TRAPPC9: variants seen among roughly 807,000 people sequenced by gnomAD.
The protein encoded by TRAPPC9 is IKK2 binding protein.
TRAPPC9 carries 83 observed loss-of-function variants against 124.0 expected under a neutral mutation model. That is an observed-to-expected ratio of 0.67 (90% CI 0.56 to 0.80). The LOEUF (loss-of-function observed/expected upper bound fraction) is 0.80, where lower values mean the gene tolerates loss of function less well. TRAPPC9 is among the 30% of genes least tolerant of loss of function. The pLI, the probability that TRAPPC9 is intolerant of heterozygous loss-of-function variation, is 0.00. For synonymous variants in TRAPPC9, 638 were observed against 617.5 expected (o/e 1.03, Z -0.49); for missense variants, 1,302 against 1,508.3 (o/e 0.86, Z 2.27).
At chr8:140,435,300 T>TTAG in intron 3 of TRAPPC9, 60 bp from the exon 4 acceptor site, 1 of 1,542,116 alleles carries the variant, frequency 6.5e-7, no homozygotes, top group Non-Finnish European at 8.9e-7. Context: ...ACCAGCATCA[T>TTAG]TAGTCAAGTC....
intron 17 of TRAPPC9, among the ~76,000 whole-genome samples, chr8:140,180,619 T>C (rs2131005304): frequency 6.6e-6 from 1 of 152,152 alleles, no homozygotes; most frequent in Non-Finnish European, 1.5e-5. Context: ...TCAGCTTTTG[T>C]CTTTATTTGT....
At chr8:139,957,579 C>T (rs961883218) in intron 19 of TRAPPC9, among the ~76,000 whole-genome samples, 1 of 152,132 alleles carries the variant, frequency 6.6e-6, no homozygotes, top group Non-Finnish European at 1.5e-5. Flanking sequence ...CACGTGTGCT[C>T]AGTACACAGA....
intron 21 of TRAPPC9, among the ~76,000 whole-genome samples, chr8:139,757,779 C>T (rs998508031): frequency 7.9e-5 from 12 of 152,094 alleles, no homozygotes; most frequent in African/African-American, 2.9e-4. Context: ...TTCTACATCA[C>T]CTGCACTGCC....
At chr8:140,035,598 G>A (rs543105258) in intron 17 of TRAPPC9, among the ~76,000 whole-genome samples, 5 of 152,278 alleles carry the variant, frequency 3.3e-5, no homozygotes, top group Admixed American at 6.5e-5. Context: ...CATCCTATCC[G>A]ACAGGAAGGC....
chr8:140,219,165 C>A (rs574718932), intron 17 of TRAPPC9, among the ~76,000 whole-genome samples: 1 of 152,192 alleles, frequency 6.6e-6, no homozygotes, highest in African/African-American at 2.4e-5. Flanking sequence ...TTTCTATAAA[C>A]TTTATACAAT....
chr8:140,028,183 G>A (rs1019810230), intron 17 of TRAPPC9, among the ~76,000 whole-genome samples: 1 of 152,026 alleles, frequency 6.6e-6, no homozygotes, highest in African/African-American at 2.4e-5. Context: ...AAGAACATAA[G>A]GGGAGCTGGG....
intron 21 of TRAPPC9, among the ~76,000 whole-genome samples, chr8:139,738,111 G>A (rs961712039): frequency 6.6e-6 from 1 of 152,172 alleles, no homozygotes; most frequent in Non-Finnish European, 1.5e-5. Flanking sequence ...GGGCCTCTGG[G>A]GATGTTGGGT....
Position 140,140,425 on chromosome 8 carries a change from G to A in TRAPPC9, c.2556+81034C>T, listed in dbSNP as rs1012863102. Among the ~76,000 whole-genome samples, 12 of 152,052 alleles carry A rather than the reference G, an allele frequency of 7.9e-5. No homozygotes were observed. The East Asian group carries it at 1.9e-3, about 24-fold the overall frequency. ...TTGTGTGGTGGTGGGTTTTTCGGTG[G>A]GTTTTTTTGTTTTTGTTTTGGCCTG... On this transcript the variant is annotated intron_variant, in intron 17 of 22. Coordinates refer to ENST00000438773, the MANE Select transcript of TRAPPC9 (RefSeq NM_001160372.4).
chr8:140,026,291 A>G (rs1286811058), intron 17 of TRAPPC9, among the ~76,000 whole-genome samples: 1 of 152,198 alleles, frequency 6.6e-6, no homozygotes, highest in Non-Finnish European at 1.5e-5. Context: ...TCGTGTGAAC[A>G]GTGCTGCTAT....
Position 140,283,987 on chromosome 8 carries a change from G to T in TRAPPC9, c.2016C>A (p.Asp672Glu). Residue 672 changes from aspartate to glutamate, a missense_variant, in exon 14 of 23, where the codon GAC becomes GAA. By Grantham distance (45) the Asp-to-Glu change is conservative. Coordinates refer to ENST00000438773, the MANE Select transcript of TRAPPC9 (RefSeq NM_001160372.4). ...TTCCCGGCAGGTTATCCAGCAAACAGTCACTGAACACACCGAAGACCGTGG... is the reference window on the plus strand; with the variant it reads ...TTCCCGGCAGGTTATCCAGCAAACATTCACTGAACACACCGAAGACCGTGG... ...YHTTVFGVFSDCLLDNLPGIK... is the reference protein window; with the variant it reads ...YHTTVFGVFSECLLDNLPGIK... 1 of 1,614,166 alleles carries T rather than the reference G, an allele frequency of 6.2e-7. No individual in the cohort carries two copies. The highest frequency in any genetic ancestry group is 8.5e-7 in the Non-Finnish European group (1 of 1,180,018).
At chr8:140,386,721 C>G (rs1234874550) in intron 7 of TRAPPC9, among the ~76,000 whole-genome samples, 1 of 152,096 alleles carries the variant, frequency 6.6e-6, no homozygotes, top group Non-Finnish European at 1.5e-5. Flanking sequence ...GAATCAATAT[C>G]GTGAAAATGG....
intron 21 of TRAPPC9, among the ~76,000 whole-genome samples, chr8:139,844,332 G>A (rs572184894): frequency 6.6e-6 from 1 of 152,354 alleles, no homozygotes; most frequent in African/African-American, 2.4e-5. Context: ...CCTGGCAGGA[G>A]AAGGGGGTCA....
chr8:139,784,608 C>CATATAT (rs34583867), intron 21 of TRAPPC9, among the ~76,000 whole-genome samples: 5,623 of 87,888 alleles, frequency 0.064, 255 homozygotes, highest in Non-Finnish European at 0.092. Context: ...AAAAGACTGA[C>CATATAT]ATATATATAT....
chr8:139,737,347 C>T (rs539520080), intron 21 of TRAPPC9, among the ~76,000 whole-genome samples: 5 of 152,174 alleles, frequency 3.3e-5, no homozygotes, highest in East Asian at 3.9e-4. Context: ...CGCAGCAGCC[C>T]GGCCGGCTGG....
intron 17 of TRAPPC9, among the ~76,000 whole-genome samples, chr8:140,140,008 T>C (rs538340614): frequency 6.6e-6 from 1 of 152,356 alleles, no homozygotes; most frequent in East Asian, 1.9e-4. Flanking sequence ...ATGTTCATTA[T>C]GAATAACAAC....
chr8:139,902,358 A>G (rs544202762), intron 20 of TRAPPC9, among the ~76,000 whole-genome samples: 1 of 152,356 alleles, frequency 6.6e-6, no homozygotes, highest in South Asian at 2.1e-4. Context: ...ACCGAAGGCC[A>G]AACAGCCAGG....
chr8:139,777,673 C>T (rs1011583432), intron 21 of TRAPPC9, among the ~76,000 whole-genome samples: 14 of 152,152 alleles, frequency 9.2e-5, no homozygotes, highest in South Asian at 4.1e-4. Flanking sequence ...CCAGTCAAGA[C>T]GGAGTAACAA....
chr8:140,003,601 CAAAAAA>C (rs58826807), intron 18 of TRAPPC9, among the ~76,000 whole-genome samples: 1,017 of 91,394 alleles, frequency 0.011, 17 homozygotes, highest in African/African-American at 0.03. Context: ...GACCCTGTCA[CAAAAAA>C]AAAAAAAAAA....
chr8:140,093,267 G>A (rs1288500798), intron 17 of TRAPPC9, among the ~76,000 whole-genome samples: 1 of 152,202 alleles, frequency 6.6e-6, no homozygotes, highest in Non-Finnish European at 1.5e-5. Context: ...GGGTCCCTGT[G>A]AGGCTGGAGT....
Sources: gnomAD v4.1 joint callset for allele counts (sites outside exome capture counted in the v4.1 genomes callset) on GRCh38, gnomAD v4.1.1 for gene constraint, MANE v1.5 for transcripts, NCBI Gene and HGNC (gene_info 2026-07-23, HGNC 2026-07-21) for gene names.